The following SLC16A7 variants were observed in gnomAD, a reference collection of about 807,000 sequenced individuals.
SLC16A7 encodes monocarboxylate transporter 2.
A neutral mutation model predicts 34.9 loss-of-function variants in SLC16A7; 33 were observed. That is an observed-to-expected ratio of 0.94 (90% CI 0.72 to 1.26). SLC16A7 has a LOEUF of 1.26. Ranked by LOEUF, SLC16A7 falls within the 50% of genes most tolerant of loss-of-function variation. SLC16A7 has a pLI of 0.00. For synonymous variants in SLC16A7, 201 were observed against 206.6 expected (o/e 0.97, Z 0.23); for missense variants, 573 against 578.1 (o/e 0.99, Z 0.09).
At chr12:59,736,120 G>A in intron 3 of SLC16A7, 1 of 176,674 alleles carries the variant, frequency 5.7e-6, no homozygotes, top group South Asian at 1.2e-4. Flanking sequence ...ATCAGAGGTT[G>A]GAAATATGAG....
intron 3 of SLC16A7, among the ~76,000 whole-genome samples, chr12:59,748,166 G>A (rs957829641): frequency 2.0e-5 from 3 of 152,054 alleles, no homozygotes; most frequent in Non-Finnish European, 4.4e-5. Context: ...GTGGGTCAAA[G>A]GATACAAAAT....
chr12:59,722,144 C>A (rs1434652107), intron 3 of SLC16A7, among the ~76,000 whole-genome samples: 1 of 151,938 alleles, frequency 6.6e-6, no homozygotes, highest in Admixed American at 6.6e-5. Context: ...GCATCTCTGA[C>A]TTCGCATACC....
chr12:59,724,555 C>A (rs1876008503), intron 3 of SLC16A7, among the ~76,000 whole-genome samples: 1 of 151,576 alleles, frequency 6.6e-6, no homozygotes, highest in African/African-American at 2.4e-5. Flanking sequence ...GAAGTAATAC[C>A]ACAGATTAGC....
chr12:59,691,009 T>C (rs1871586021), intron 2 of SLC16A7, among the ~76,000 whole-genome samples: 1 of 151,990 alleles, frequency 6.6e-6, no homozygotes, highest in African/African-American at 2.4e-5. Flanking sequence ...TAAGGAAATA[T>C]ATTTATATTT....
Position 59,768,197 on chromosome 12 carries a change from A to T in SLC16A7, c.218-3022A>T, listed in dbSNP as rs771154491. On this transcript the variant is annotated intron_variant, in intron 3 of 5. Coordinates refer to ENST00000547379, the MANE Select transcript of SLC16A7 (RefSeq NM_001270623.2). ...GAAAATCTTCTGGAAAGGATTTGCT[A>T]TTCTAGATAACATCACGATCATTCA... 5 of 455,816 alleles carry T rather than the reference A, an allele frequency of 1.1e-5. No homozygotes were observed. In the Admixed American group the frequency reaches 1.2e-4, roughly 11 times the overall value. 28.2% of individuals were successfully genotyped at this position (455,816 alleles called of 1,614,324 possible).
At position 59,780,756 on chromosome 12, in the gene SLC16A7, G is replaced by A. The variant is rs1451190452; in HGVS notation, c.*1077G>A. ...CACATAGTGGTAATTGGAGGTTACT[G>A]TTATGAATACTCCATCTGACTACGA... On this transcript the variant is annotated 3_prime_UTR_variant, in exon 6 of 6. Transcript: ENST00000547379. The A allele has an allele frequency of 6.6e-6, 1 of 152,094 alleles. No individual in the cohort carries two copies. Among genetic ancestry groups the A allele is most frequent in the African/African-American group, 2.4e-5 (1 of 41,424 alleles). 9.4% of individuals were successfully genotyped at this position (152,094 alleles called of 1,614,324 possible).
intron 3 of SLC16A7, among the ~76,000 whole-genome samples, chr12:59,741,576 A>G (rs1169328844): frequency 6.6e-6 from 1 of 152,216 alleles, no homozygotes; most frequent in East Asian, 1.9e-4. Flanking sequence ...TAGGGATAGC[A>G]TGCTAATACA....
At chr12:59,677,494 T>C (rs1870404717) in intron 2 of SLC16A7, among the ~76,000 whole-genome samples, 1 of 152,178 alleles carries the variant, frequency 6.6e-6, no homozygotes, top group Admixed American at 6.5e-5. Flanking sequence ...AGGTCAAATA[T>C]CTGTCTCATT....
intron 1 of SLC16A7, among the ~76,000 whole-genome samples, chr12:59,629,090 C>T (rs532217458): frequency 1.1e-4 from 17 of 151,930 alleles, no homozygotes; most frequent in African/African-American, 4.1e-4. Context: ...GCTGTCCTCA[C>T]ATCATAGGCC....
intron 3 of SLC16A7, among the ~76,000 whole-genome samples, chr12:59,738,981 A>G (rs1877943876): frequency 6.6e-6 from 1 of 151,274 alleles, no homozygotes; most frequent in Non-Finnish European, 1.5e-5. Context: ...TTAGGATGCA[A>G]ACTATTTCAC....
chr12:59,754,458 A>C (rs1880027424), intron 3 of SLC16A7, among the ~76,000 whole-genome samples: 1 of 152,204 alleles, frequency 6.6e-6, no homozygotes, highest in Admixed American at 6.5e-5. Flanking sequence ...ACAAACTACC[A>C]TCAGAGAATA....
chr12:59,717,970 A>G (rs966205259), intron 3 of SLC16A7, among the ~76,000 whole-genome samples: 5 of 152,168 alleles, frequency 3.3e-5, no homozygotes, highest in African/African-American at 4.8e-5. Flanking sequence ...ATGCTCCCTT[A>G]GGAGGGGCAG....
At chr12:59,718,740 C>T (rs1592567301) in intron 3 of SLC16A7, among the ~76,000 whole-genome samples, 1 of 152,150 alleles carries the variant, frequency 6.6e-6, no homozygotes, top group Non-Finnish European at 1.5e-5. Flanking sequence ...GCTTCTGCAG[C>T]ATGGGAACTA....
intron 1 of SLC16A7, among the ~76,000 whole-genome samples, chr12:59,604,991 C>A (rs1878868566): frequency 6.6e-6 from 1 of 152,136 alleles, no homozygotes; most frequent in African/African-American, 2.4e-5. Context: ...GGACTACAGG[C>A]GCCCGCCACC....
At chr12:59,702,215 A>G (rs1008382032) in intron 2 of SLC16A7, among the ~76,000 whole-genome samples, 1 of 151,984 alleles carries the variant, frequency 6.6e-6, no homozygotes, top group African/African-American at 2.4e-5. Flanking sequence ...TAATACCTAC[A>G]ATATTTATTT....
Position 59,755,838 on chromosome 12 carries a change from G to A in SLC16A7, c.218-15381G>A, listed in dbSNP as rs368129441. 1.4e-3 allele frequency among the ~76,000 whole-genome samples: 207 copies of A among 152,228 alleles called. 3 individuals are homozygous for A. In the South Asian group the frequency reaches 0.02, roughly 15 times the overall value. ...AAAAGAACAAAGCTGGAGGCATCAC[G>A]CTACCTGACTTCAAACTATACTACA... On this transcript the variant is annotated intron_variant, in intron 3 of 5. Transcript: ENST00000547379.
chr12:59,599,500 AGAAG>A (rs765664807), intron 1 of SLC16A7, among the ~76,000 whole-genome samples: 16 of 152,214 alleles, frequency 1.1e-4, no homozygotes, highest in Non-Finnish European at 2.4e-4. Context: ...GGAAAAAAAA[AGAAG>A]GAAGAAATTA....
chr12:59,759,666 A>ATAAAATATTTGTAGG, intron 3 of SLC16A7, among the ~76,000 whole-genome samples: 1 of 152,182 alleles, frequency 6.6e-6, no homozygotes, highest in Non-Finnish European at 1.5e-5. Context: ...TAAATATTTT[A>ATAAAATATTTGTAGG]TAAAATATTT....
At chr12:59,666,271 G>A (rs1048580429) in intron 2 of SLC16A7, among the ~76,000 whole-genome samples, 4 of 152,080 alleles carry the variant, frequency 2.6e-5, no homozygotes, top group Non-Finnish European at 5.9e-5. Flanking sequence ...TTTCGATTTT[G>A]AAGTATATCT....
Sources: allele counts gnomAD v4.1 joint callset (sites outside exome capture counted in the v4.1 genomes callset), GRCh38; gene constraint gnomAD v4.1.1; transcripts MANE v1.5; gene names NCBI Gene and HGNC (gene_info 2026-07-23, HGNC 2026-07-21).